The following PSD3 variants were observed in gnomAD, a reference collection of about 807,000 sequenced individuals.
PSD3 encodes pleckstrin and Sec7 domain containing 3.
Under a neutral mutation model 105.5 loss-of-function variants are expected in PSD3, and 49 were observed. The observed-to-expected ratio is 0.46, with a 90% CI of 0.37 to 0.59. The LOEUF is 0.59. Ranked by LOEUF, PSD3 falls within the 20% of genes least tolerant of loss-of-function variation. The pLI is 0.00. For synonymous variants in PSD3, 557 were observed against 457.8 expected, an observed-to-expected ratio of 1.22 and a Z score of -2.77; for missense variants, 1,561 against 1,263.8, an observed-to-expected ratio of 1.24 and a Z score of -3.57.
intron 12 of PSD3, among the ~76,000 whole-genome samples, chr8:18,584,484 C>G (rs138837102): frequency 2.1e-3 from 326 of 152,326 alleles, no homozygotes; most frequent in African/African-American, 7.5e-3. Flanking sequence ...GTAGGTTAAT[C>G]AACTTTAGAA....
intron 9 of PSD3, among the ~76,000 whole-genome samples, chr8:18,752,489 TA>T (rs1805580168): frequency 5.9e-5 from 1 of 16,824 alleles, no homozygotes; most frequent in African/African-American, 1.5e-4. Flanking sequence ...TTATTATATA[TA>T]TAATATATAT....
chr8:18,768,279 C>T (rs1807203142), intron 8 of PSD3, among the ~76,000 whole-genome samples: 1 of 150,790 alleles, frequency 6.6e-6, no homozygotes, highest in Admixed American at 6.6e-5. Context: ...GAGAGAGAGT[C>T]CAGTTCAAAA....
intron 4 of PSD3, among the ~76,000 whole-genome samples, chr8:18,820,029 T>C (rs1812560657): frequency 6.6e-6 from 1 of 152,180 alleles, no homozygotes; most frequent in Non-Finnish European, 1.5e-5. Context: ...CTATAAAAGG[T>C]ACTGAGACAA....
rs115728081 is a variant in PSD3 at position 18,702,099 on chromosome 8, C to T, written c.2173-46414G>A. Among the ~76,000 whole-genome samples the T allele has an allele frequency of 4.3e-3, 661 of 152,296 alleles. 3 individuals are homozygous for T. Among genetic ancestry groups the T allele is most frequent in the African/African-American group, 0.015 (625 of 41,562 alleles). Reference sequence around the variant, plus strand: ...ATCCTGGGAGTGACTTCAGATACTCCGACTGATATTTACAGCTGCCATGTA... The same window carrying T: ...ATCCTGGGAGTGACTTCAGATACTCTGACTGATATTTACAGCTGCCATGTA... On this transcript the variant is annotated intron_variant, in intron 9 of 15. Coordinates refer to ENST00000327040, the MANE Select transcript of PSD3 (RefSeq NM_015310.4).
At chr8:18,592,153 G>A (rs1803659287) in intron 12 of PSD3, among the ~76,000 whole-genome samples, 1 of 152,012 alleles carries the variant, frequency 6.6e-6, no homozygotes, top group African/African-American at 2.4e-5. Flanking sequence ...AAAAAAAGAT[G>A]AATAAACAAA....
chr8:18,765,391 C>T, intron 9 of PSD3, 58 bp downstream of exon 9: 2 of 1,438,362 alleles, frequency 1.4e-6, no homozygotes, highest in South Asian at 2.3e-5. Flanking sequence ...TAGGATTAAG[C>T]TGTAAGCAGC....
chr8:18,855,075 G>T (rs1360465618), intron 4 of PSD3, among the ~76,000 whole-genome samples: 1 of 152,176 alleles, frequency 6.6e-6, no homozygotes, highest in African/African-American at 2.4e-5. Flanking sequence ...CCCTAACAGG[G>T]ATAGGAGACC....
chr8:19,082,457 C>G lies in PSD3; in HGVS notation c.324+1749G>C, dbSNP rs549943659. Among the ~76,000 whole-genome samples, 3 of 152,320 alleles carry G rather than the reference C, an allele frequency of 2.0e-5. No homozygotes were observed. In the Middle Eastern group the frequency reaches 0.01, roughly 518 times the overall value. ...TGTTTTCATGGTGGAAAAACTGAGC[C>G]TCAGAGAGCTCTGGCGGGTTGCTCT... On this transcript the variant is annotated intron_variant, in intron 1 of 1. Transcript: ENST00000521475.
At chr8:18,848,445 G>A (rs972299512) in intron 4 of PSD3, among the ~76,000 whole-genome samples, 1 of 152,162 alleles carries the variant, frequency 6.6e-6, no homozygotes, top group Admixed American at 6.5e-5. Context: ...CTCCCAAGAA[G>A]AACTGGGTGC....
At chr8:18,651,694 T>G (rs1808493490) in intron 10 of PSD3, among the ~76,000 whole-genome samples, 1 of 152,156 alleles carries the variant, frequency 6.6e-6, no homozygotes, top group Non-Finnish European at 1.5e-5. Context: ...AAATGGAAGC[T>G]TAAGGCTGAG....
At chr8:18,864,835 G>A (rs527854131) in intron 4 of PSD3, 3 of 151,966 alleles carry the variant, frequency 2.0e-5, no homozygotes, top group African/African-American at 4.8e-5. Context: ...TCCTTGCCTC[G>A]GCAGAGGGAT....
At chr8:18,655,504 A>C (rs992743385) in intron 10 of PSD3, 138 bp downstream of exon 10, 1 of 804,356 alleles carries the variant, frequency 1.2e-6, no homozygotes, top group African/African-American at 1.7e-5. Context: ...AAAGCCACAA[A>C]GTAGGTAAGA....
chr8:18,853,057 G>T (rs997800268), intron 4 of PSD3, among the ~76,000 whole-genome samples: 1 of 152,146 alleles, frequency 6.6e-6, no homozygotes, highest in African/African-American at 2.4e-5. Flanking sequence ...TGACTCCTAA[G>T]TCAGACTCAG....
At chr8:18,815,440 C>G (rs1380873711) in intron 4 of PSD3, among the ~76,000 whole-genome samples, 1 of 152,120 alleles carries the variant, frequency 6.6e-6, no homozygotes, top group East Asian at 1.9e-4. Context: ...TCCCGAGTAG[C>G]TGGGATCACA....
intron 9 of PSD3, among the ~76,000 whole-genome samples, chr8:18,705,256 G>C (rs1801816985): frequency 1.3e-5 from 2 of 152,180 alleles, no homozygotes; most frequent in African/African-American, 2.4e-5. Context: ...GGCCAGGCGT[G>C]ATGGCTCATG....
In PSD3 at chr8:18,801,294, T is replaced by G. The variant is rs1242919436; in HGVS notation, c.1999A>C (p.Asn667His). The change falls in exon 7 of 16, where the codon AAC becomes CAC. Residue 667 changes from asparagine (N) to histidine (H), a missense_variant. Physicochemically the swap from Asn to His is moderately conservative, Grantham distance 68 (BLOSUM62 1). Transcript: ENST00000327040. ...CCTTGTGAAGCAATGGTATCTGGGT[T>G]ACAATAAAAATATCTATTGGAGAAG... ...IHFSNRYFYC[N>H]PDTIASQDGV... 1 of 1,598,452 alleles carries G rather than the reference T, an allele frequency of 6.3e-7. No individual in the cohort carries two copies. The highest frequency in any genetic ancestry group is 8.6e-7 in the Non-Finnish European group (1 of 1,167,948).
chr8:18,734,009 G>A (rs573461783), intron 9 of PSD3: 6 of 152,274 alleles, frequency 3.9e-5, no homozygotes, highest in African/African-American at 1.4e-4. Flanking sequence ...CTAGGCAAAG[G>A]CAGCACTTAT....
intron 1 of PSD3, among the ~76,000 whole-genome samples, chr8:18,949,785 C>A (rs1000026095): frequency 6.6e-6 from 1 of 152,156 alleles, no homozygotes; most frequent in East Asian, 1.9e-4. Flanking sequence ...CCAAAGAGAG[C>A]ATAAGGTCCT....
rs575460805 is a variant in PSD3, at chr8:18,866,375, C to T, written c.1634+1299G>A. Among the ~76,000 whole-genome samples the T allele has an allele frequency of 2.6e-5, 4 of 152,316 alleles. No individual in the cohort carries two copies. In the East Asian group the frequency reaches 5.8e-4, roughly 22 times the overall value. Reference sequence around the variant, plus strand: ...ACCAGGCAACCAGTTCATATGCACACACTTACCCAGGCTCTGCTTTGTACC... The same window carrying T: ...ACCAGGCAACCAGTTCATATGCACATACTTACCCAGGCTCTGCTTTGTACC... On this transcript the variant is annotated intron_variant, in intron 4 of 15. Coordinates refer to ENST00000327040, the MANE Select transcript of PSD3 (RefSeq NM_015310.4).
Sources: gnomAD v4.1 joint callset for allele counts (sites outside exome capture counted in the v4.1 genomes callset) on GRCh38, gnomAD v4.1.1 for gene constraint, MANE v1.5 for transcripts, NCBI Gene and HGNC (gene_info 2026-07-23, HGNC 2026-07-21) for gene names.